Variants in STK35 observed in about 807,000 individuals in gnomAD.
The protein encoded by STK35 is serine/threonine-protein kinase 35.
A neutral mutation model predicts 37.3 loss-of-function variants in STK35; 17 were observed. That is an observed-to-expected ratio of 0.46 (90% CI 0.31 to 0.68). STK35 has a LOEUF of 0.68. Ranked by LOEUF, STK35 falls within the 30% of genes least tolerant of loss-of-function variation. STK35 has a pLI of 0.05. For synonymous variants in STK35, 385 were observed against 319.1 expected (o/e 1.21, Z -2.20); for missense variants, 595 against 746.7 (o/e 0.80, Z 2.37).
At position 2,148,217 on chromosome 20, in the gene STK35, T is replaced by C. The variant is rs1306816825; in HGVS notation, c.*4471T>C. ...CTTTTCATCAGAGCCGGGGAGTACA[T>C]TGCAGTGACTTCTTAAACATTTGTG... On this transcript the variant is annotated 3_prime_UTR_variant, in exon 4 of 4. Coordinates refer to ENST00000381482, the MANE Select transcript of STK35 (RefSeq NM_080836.4). The C allele has an allele frequency of 6.6e-6, 1 of 152,638 alleles. No individual in the cohort carries two copies. The highest frequency in any genetic ancestry group is 1.5e-5 in the Non-Finnish European group (1 of 68,042). The allele number at this position is 152,638 out of a possible 1,614,324, so 9.5% of individuals were successfully genotyped here. A position where few individuals can be genotyped will look rare whatever the true frequency, so the allele number is the denominator to read the frequency against.
chr20:2,134,886 G>C (rs1235138190), intron 3 of STK35, among the ~76,000 whole-genome samples: 1 of 152,000 alleles, frequency 6.6e-6, no homozygotes, highest in Non-Finnish European at 1.5e-5. Context: ...GTGAGACTCT[G>C]TGTCAAAAAA....
At position 2,120,343 on chromosome 20, in the gene STK35, G is replaced by T. The variant is rs567999905; in HGVS notation, c.*37+2928G>T. On this transcript the variant is annotated intron_variant, in intron 3 of 3. Transcript: ENST00000381482. ...GAGAAATAGGCGACCTTGAGAAGAG[G>T]GGAAAAGATTAGGAATATGGTTACT... 7.7e-4 allele frequency among the ~76,000 whole-genome samples: 117 copies of T among 152,268 alleles called. 1 individual carries two copies. Among genetic ancestry groups the T allele is most frequent in the African/African-American group, 2.8e-3 (115 of 41,538 alleles).
At chr20:2,134,536 C>A (rs543170488) in intron 3 of STK35, among the ~76,000 whole-genome samples, 5 of 152,332 alleles carry the variant, frequency 3.3e-5, no homozygotes, top group Admixed American at 3.3e-4. Flanking sequence ...GGCCTCTTCT[C>A]AGTATTCTTT....
chr20:2,114,884 C>G (rs971677550), intron 2 of STK35, among the ~76,000 whole-genome samples: 6 of 152,120 alleles, frequency 3.9e-5, no homozygotes, highest in Admixed American at 1.3e-4. Context: ...GCTTTTTGAT[C>G]TTTTCCTTTC....
chr20:2,124,317 G>A (rs1985867740), intron 3 of STK35, among the ~76,000 whole-genome samples: 1 of 152,128 alleles, frequency 6.6e-6, no homozygotes. Context: ...GAAAGTAGAA[G>A]CAAGGAAGGT....
intron 3 of STK35, among the ~76,000 whole-genome samples, chr20:2,139,387 G>A (rs1199667670): frequency 1.3e-5 from 2 of 152,192 alleles, no homozygotes; most frequent in South Asian, 4.1e-4. Context: ...CTGTGCACAG[G>A]CACGTAAGCC....
At chr20:2,104,366 A>C (rs749204790) in intron 2 of STK35, among the ~76,000 whole-genome samples, 1 of 152,238 alleles carries the variant, frequency 6.6e-6, no homozygotes, top group Non-Finnish European at 1.5e-5. Context: ...ATTTTTAGGT[A>C]ATAACTTCAA....
chr20:2,102,894 GC>G lies in STK35; in HGVS notation c.424del (p.Arg142AlafsTer23). ...AGCCATGGAAACGGGGAAGGACGGC[GC>G]CCGCAGAGGTACACAAAGCCCGGAG... Reference protein sequence around the residue: ...PAAMETGKDGARRGTQSPERK... With the variant: ...PAAMETGKDGXRRGTQSPERK... On this transcript the variant is annotated frameshift_variant, in exon 2 of 4. Transcript: ENST00000381482. LOFTEE classifies it high-confidence loss of function. 6.4e-7 allele frequency: 1 copy of G among 1,565,824 alleles called. No homozygotes were observed. Among genetic ancestry groups the G allele is most frequent in the Non-Finnish European group, 8.6e-7 (1 of 1,164,218 alleles).
chr20:2,113,968 C>T (rs183361405), intron 2 of STK35, among the ~76,000 whole-genome samples: 10 of 152,164 alleles, frequency 6.6e-5, no homozygotes, highest in East Asian at 5.8e-4. Flanking sequence ...ACAAAGAATC[C>T]ACCCAGTGAG....
intron 2 of STK35, among the ~76,000 whole-genome samples, chr20:2,108,517 AG>A (rs1175796583): frequency 6.6e-6 from 1 of 152,168 alleles, no homozygotes; most frequent in Non-Finnish European, 1.5e-5. Flanking sequence ...CCAAAAAAAA[AG>A]AAAGAAACTA....
intron 2 of STK35, among the ~76,000 whole-genome samples, chr20:2,112,715 A>G (rs1985643340): frequency 2.0e-5 from 3 of 152,152 alleles, no homozygotes; most frequent in Admixed American, 1.3e-4. Context: ...AGTACCTGGA[A>G]CCCAGTAGGC....
intron 3 of STK35, among the ~76,000 whole-genome samples, chr20:2,120,642 C>T (rs974439139): frequency 6.6e-6 from 1 of 152,220 alleles, no homozygotes; most frequent in Non-Finnish European, 1.5e-5. Context: ...TTTCCCCTGC[C>T]AAGTTTTGTA....
At chr20:2,103,537 G>A (rs1024599346) in intron 2 of STK35, among the ~76,000 whole-genome samples, 172 bp downstream of exon 2, 1 of 152,108 alleles carries the variant, frequency 6.6e-6, no homozygotes, top group African/African-American at 2.4e-5. Flanking sequence ...CTCTTCTCAG[G>A]TCCTAAGATC....
chr20:2,122,099 AAGTAGGG>A (rs1985828487), intron 3 of STK35, among the ~76,000 whole-genome samples: 1 of 152,206 alleles, frequency 6.6e-6, no homozygotes, highest in Non-Finnish European at 1.5e-5. Context: ...TTGGGAAGCC[AAGTAGGG>A]GCAGATTGTT....
At chr20:2,142,888 T>C (rs1041542966) in intron 3 of STK35, among the ~76,000 whole-genome samples, 4 of 152,174 alleles carry the variant, frequency 2.6e-5, no homozygotes, top group African/African-American at 9.7e-5. Context: ...CCAAGACTAA[T>C]CTCTGTGGGC....
chr20:2,110,119 T>C (rs1157245688), intron 2 of STK35, among the ~76,000 whole-genome samples: 2 of 152,270 alleles, frequency 1.3e-5, no homozygotes, highest in East Asian at 3.8e-4. Flanking sequence ...TTCATATTTC[T>C]TTGGGAAGAT....
At chr20:2,107,454 C>T (rs1385449786) in intron 2 of STK35, among the ~76,000 whole-genome samples, 4 of 152,226 alleles carry the variant, frequency 2.6e-5, no homozygotes, top group Non-Finnish European at 5.9e-5. Flanking sequence ...TGCCTGCACA[C>T]CAAGTGGCTT....
At chr20:2,141,690 G>A (rs1363598719) in intron 3 of STK35, among the ~76,000 whole-genome samples, 2 of 152,238 alleles carry the variant, frequency 1.3e-5, no homozygotes, top group Non-Finnish European at 2.9e-5. Flanking sequence ...TTTATTGTCA[G>A]ATTTTCCTAC....
chr20:2,114,984 G>T (rs911774326), intron 2 of STK35, among the ~76,000 whole-genome samples: 1 of 152,114 alleles, frequency 6.6e-6, no homozygotes, highest in Non-Finnish European at 1.5e-5. Flanking sequence ...ATGCTTCATT[G>T]TGCAGTATTT....
Sources: gnomAD v4.1 joint callset for allele counts (sites outside exome capture counted in the v4.1 genomes callset) on GRCh38, gnomAD v4.1.1 for gene constraint, MANE v1.5 for transcripts, NCBI Gene and HGNC (gene_info 2026-07-23, HGNC 2026-07-21) for gene names.